Variants in FAM110B observed in about 807,000 individuals in gnomAD.
FAM110B encodes the protein protein FAM110B.
In FAM110B, 6 loss-of-function variants were observed where a neutral mutation model predicts 20.4. The ratio of observed to expected loss-of-function variants is 0.29; its 90% CI spans 0.16 to 0.58. FAM110B has a LOEUF of 0.58. Among genes scored for constraint, FAM110B ranks in the 20% least tolerant of loss-of-function variants. FAM110B has a pLI of 0.90. For missense variants in FAM110B, 434 were observed against 498.2 expected, an observed-to-expected ratio of 0.87 and a Z score of 1.23; for synonymous variants, 226 against 214.1, an observed-to-expected ratio of 1.06 and a Z score of -0.49.
intron 3 of FAM110B, among the ~76,000 whole-genome samples, chr8:58,098,044 T>C (rs1330355474): frequency 6.6e-6 from 1 of 152,214 alleles, no homozygotes; most frequent in African/African-American, 2.4e-5. Context: ...GAGGGGGCAG[T>C]CTGTCCCTTA....
intron 2 of FAM110B, among the ~76,000 whole-genome samples, chr8:58,047,936 C>T (rs1478641922): frequency 6.6e-6 from 1 of 152,052 alleles, no homozygotes; most frequent in Non-Finnish European, 1.5e-5. Flanking sequence ...ACTTTAGCGT[C>T]TTCATCTTAA....
intron 3 of FAM110B, among the ~76,000 whole-genome samples, chr8:58,133,167 T>G (rs1345512918): frequency 6.6e-6 from 1 of 151,922 alleles, no homozygotes; most frequent in African/African-American, 2.4e-5. Context: ...TTTAGATTAT[T>G]ATAATCCTTA....
chr8:58,079,151 A>G (rs1435852729), intron 3 of FAM110B, among the ~76,000 whole-genome samples: 3 of 152,152 alleles, frequency 2.0e-5, no homozygotes, highest in African/African-American at 7.2e-5. Flanking sequence ...CAGTACAGTC[A>G]GGTGTGGCTC....
intron 3 of FAM110B, among the ~76,000 whole-genome samples, chr8:58,090,275 C>T (rs777375860): frequency 2.6e-5 from 4 of 152,168 alleles, no homozygotes; most frequent in Admixed American, 6.5e-5. Flanking sequence ...TTCTCCTTCC[C>T]GAGCCTCCCA....
At chr8:58,087,335 G>A (rs936004051) in intron 3 of FAM110B, among the ~76,000 whole-genome samples, 2 of 152,154 alleles carry the variant, frequency 1.3e-5, no homozygotes, top group African/African-American at 2.4e-5. Flanking sequence ...TTCGCTTCCA[G>A]TTCTCTGATT....
intron 2 of FAM110B, among the ~76,000 whole-genome samples, chr8:58,062,502 A>G (rs1382607234): frequency 6.6e-6 from 1 of 152,216 alleles, no homozygotes; most frequent in Non-Finnish European, 1.5e-5. Context: ...AAATATACAT[A>G]TATAAATGGA....
intron 3 of FAM110B, among the ~76,000 whole-genome samples, chr8:58,084,398 T>A (rs1220797698): frequency 6.6e-6 from 1 of 151,770 alleles, no homozygotes; most frequent in Non-Finnish European, 1.5e-5. Context: ...TTTTCCTTTT[T>A]TTTTTTTTTT....
intron 1 of FAM110B, among the ~76,000 whole-genome samples, chr8:58,025,501 G>A (rs1375174597): frequency 1.3e-5 from 2 of 152,146 alleles, no homozygotes; most frequent in East Asian, 1.9e-4. Context: ...CCTGAGAAAT[G>A]TTTGGCCTTG....
chr8:58,046,621 G>T (rs946687575), intron 2 of FAM110B, among the ~76,000 whole-genome samples: 2 of 152,302 alleles, frequency 1.3e-5, no homozygotes, highest in East Asian at 3.9e-4. Context: ...CCTTGCTGGG[G>T]CAACCTTTGA....
intron 3 of FAM110B, among the ~76,000 whole-genome samples, chr8:58,135,001 T>C (rs1389223897): frequency 6.6e-6 from 1 of 152,216 alleles, no homozygotes; most frequent in Non-Finnish European, 1.5e-5. Flanking sequence ...GCCTGAGCCA[T>C]ATTACTTTAA....
intron 2 of FAM110B, among the ~76,000 whole-genome samples, chr8:58,051,806 C>T (rs186101267): frequency 1.3e-3 from 203 of 152,088 alleles, no homozygotes; most frequent in African/African-American, 4.3e-3. Context: ...TGGGTTGGAA[C>T]GGATATAAAT....
intron 3 of FAM110B, among the ~76,000 whole-genome samples, chr8:58,100,590 T>C (rs1365014050): frequency 6.6e-6 from 1 of 152,230 alleles, no homozygotes; most frequent in East Asian, 1.9e-4. Flanking sequence ...CCATCTTCGG[T>C]GTTCCTTGGC....
intron 3 of FAM110B, among the ~76,000 whole-genome samples, chr8:58,080,118 A>T (rs1226618891): frequency 1.3e-5 from 2 of 152,216 alleles, no homozygotes; most frequent in Admixed American, 1.3e-4. Context: ...AAGGGCAACC[A>T]TGTGGTTAGA....
intron 2 of FAM110B, among the ~76,000 whole-genome samples, chr8:58,066,943 G>A (rs1334908128): frequency 6.6e-6 from 1 of 152,102 alleles, no homozygotes; most frequent in Non-Finnish European, 1.5e-5. Context: ...TCCTTCTCAG[G>A]CCCTGGTGCT....
At position 58,006,923 on chromosome 8, in the gene FAM110B, A is replaced by ATATATATATATATATTTT; in HGVS notation, c.-512+12118_-512+12119insATATATATATATATTTTT. 2.9e-3 allele frequency among the ~76,000 whole-genome samples: 363 copies of ATATATATATATATATTTT among 126,464 alleles called. 8 individuals are homozygous for ATATATATATATATATTTT. Among genetic ancestry groups the ATATATATATATATATTTT allele is most frequent in the African/African-American group, 0.011 (352 of 32,868 alleles). The allele number at this position is 126,464 out of a possible 152,430, so 83.0% of individuals were successfully genotyped here. A position where few individuals can be genotyped will look rare whatever the true frequency, so the allele number is the denominator to read the frequency against. On this transcript the variant is annotated intron_variant, in intron 1 of 3. Coordinates refer to ENST00000519262, the MANE Select transcript of FAM110B (RefSeq NM_001377989.1). The stretch of plus-strand genomic sequence containing the variant: ...TTGGTATATATATATATATATATAT[A>ATATATATATATATATTTT]TTTTTCCAAAACCAGAGTTTGCATT...
At chr8:58,129,442 G>T (rs544664511) in intron 3 of FAM110B, among the ~76,000 whole-genome samples, 1 of 152,152 alleles carries the variant, frequency 6.6e-6, no homozygotes, top group Non-Finnish European at 1.5e-5. Flanking sequence ...TCCACCTCTC[G>T]ATAACATTAG....
chr8:58,118,405 C>G (rs1305251086), intron 3 of FAM110B, among the ~76,000 whole-genome samples: 3 of 152,214 alleles, frequency 2.0e-5, no homozygotes, highest in African/African-American at 7.2e-5. Context: ...TCACTCTTCC[C>G]ATCCCAAAAC....
At chr8:57,996,174 A>G (rs866908521) in intron 1 of FAM110B, among the ~76,000 whole-genome samples, 2 of 152,170 alleles carry the variant, frequency 1.3e-5, no homozygotes, top group Non-Finnish European at 2.9e-5. Flanking sequence ...ATAACATCCC[A>G]TTGGTTTACC....
chr8:58,129,613 A>T (rs1807601465), intron 3 of FAM110B, among the ~76,000 whole-genome samples: 1 of 152,132 alleles, frequency 6.6e-6, no homozygotes, highest in Non-Finnish European at 1.5e-5. Context: ...TACATGCTGT[A>T]TGAGAAGTAT....
Sources: gnomAD v4.1 joint callset for allele counts (sites outside exome capture counted in the v4.1 genomes callset) on GRCh38, gnomAD v4.1.1 for gene constraint, MANE v1.5 for transcripts, NCBI Gene and HGNC (gene_info 2026-07-23, HGNC 2026-07-21) for gene names.